PCDHGA5: variants seen among roughly 807,000 people sequenced by gnomAD.
PCDHGA5 encodes protocadherin gamma-A5.
Under a neutral mutation model 56.7 loss-of-function variants are expected in PCDHGA5, and 36 were observed. That is an observed-to-expected ratio of 0.64 (90% CI 0.49 to 0.84). PCDHGA5 has a LOEUF of 0.84. PCDHGA5 is among the 40% of genes least tolerant of loss of function. The probability of loss-of-function intolerance (pLI) is 0.00; values close to 1 mark genes in which losing one functional copy is unlikely to be tolerated. For missense variants in PCDHGA5, 1,305 were observed against 1,201.5 expected (o/e 1.09, Z -1.27); for synonymous variants, 563 against 520.2 (o/e 1.08, Z -1.12).
intron 2 of PCDHGA5, 117 bp downstream of exon 2, chr5:141,494,982 G>C: frequency 6.4e-7 from 1 of 1,563,940 alleles, no homozygotes; most frequent in Non-Finnish European, 8.7e-7. Context: ...CTCAGTTTGA[G>C]ATCCCAGGGA....
At chr5:141,475,829 G>A (rs1408248560) in intron 1 of PCDHGA5, 5 of 386,748 alleles carry the variant, frequency 1.3e-5, no homozygotes, top group Non-Finnish European at 2.3e-5. Flanking sequence ...GCGCTAGCGC[G>A]TGTCCTGCTC....
chr5:141,477,158 A>G lies in PCDHGA5; in HGVS notation c.2422-17649A>G, dbSNP rs1476516538. 1.2e-6 allele frequency: 2 copies of G among 1,614,154 alleles called. No individual in the cohort carries two copies. Among genetic ancestry groups the G allele is most frequent in the Non-Finnish European group, 1.7e-6 (2 of 1,180,018 alleles). ...GGTGGAGGTTGTGGATGTGAATGACAACGCCCCGGAGATCACAGTCACCTC... is the reference window on the plus strand; with the variant it reads ...GGTGGAGGTTGTGGATGTGAATGACGACGCCCCGGAGATCACAGTCACCTC... On this transcript the variant is annotated intron_variant, in intron 1 of 3. Coordinates refer to ENST00000518069, the MANE Select transcript of PCDHGA5 (RefSeq NM_018918.3). This position sits in a 1 kb window ranked among gnomAD's most constrained non-coding sequence, Gnocchi z 4.9.
intron 1 of PCDHGA5, chr5:141,420,307 A>G (rs2096487660): frequency 1.5e-5 from 22 of 1,459,622 alleles, no homozygotes; most frequent in Non-Finnish European, 1.8e-5. Flanking sequence ...AATCCTTTTT[A>G]TATTACAATA....
At chr5:141,424,712 G>A (rs2096836283) in intron 1 of PCDHGA5, 1 of 152,126 alleles carries the variant, frequency 6.6e-6, no homozygotes, top group Non-Finnish European at 1.5e-5. Context: ...CATTTTCAGT[G>A]TAGTTGGGAG....
chr5:141,423,058 A>T (rs1235938743), intron 1 of PCDHGA5: 1 of 1,614,022 alleles, frequency 6.2e-7, no homozygotes, highest in Non-Finnish European at 8.5e-7. Context: ...TCGCCTGCTT[A>T]AGGCCAGCGA....
chr5:141,419,923 G>A, intron 1 of PCDHGA5: 4 of 1,614,088 alleles, frequency 2.5e-6, no homozygotes, highest in Non-Finnish European at 3.4e-6. Flanking sequence ...AGGCTGAGAT[G>A]CAGTTTTACC....
intron 2 of PCDHGA5, among the ~76,000 whole-genome samples, chr5:141,499,675 T>A (rs1426498530): frequency 2.0e-5 from 3 of 150,746 alleles, no homozygotes; most frequent in African/African-American, 7.3e-5. Flanking sequence ...GTCTCCACCA[T>A]CTTTAACAGA....
chr5:141,366,178 C>A lies in PCDHGA5; in HGVS notation c.1848C>A (p.Leu616=), dbSNP rs778986920. ...YRLLKASEPG[L]FAVGLHTGEV... The stretch of plus-strand genomic sequence containing the variant: ...TGCTTAAGGCCAGCGAGCCAGGACT[C>A]TTTGCGGTTGGGCTGCACACGGGCG... Residue 616 remains leucine (L), a synonymous_variant, in exon 1 of 4, where the codon CTC becomes CTA. Coordinates refer to ENST00000518069, the MANE Select transcript of PCDHGA5 (RefSeq NM_018918.3). The A allele has an allele frequency of 3.1e-6, 5 of 1,613,926 alleles. No individual in the cohort carries two copies. In the Admixed American group the frequency reaches 8.3e-5, roughly 27 times the overall value.
chr5:141,388,936 C>A, intron 1 of PCDHGA5: 4 of 1,613,926 alleles, frequency 2.5e-6, no homozygotes, highest in Non-Finnish European at 3.4e-6. Context: ...CAGTCTCTAC[C>A]CAACCTAATT....
At chr5:141,428,185 G>T (rs775261215) in intron 1 of PCDHGA5, 286 of 1,446,232 alleles carry the variant, frequency 2.0e-4, no homozygotes, top group Non-Finnish European at 2.5e-4. Context: ...GAGGACAGCC[G>T]CCGCTCTCTG....
rs774071540 is a variant in PCDHGA5, at chr5:141,511,042, G to A, written c.2665G>A (p.Asp889Asn). 8 of 1,614,064 alleles carry A rather than the reference G, an allele frequency of 5.0e-6. No homozygotes were observed. Among genetic ancestry groups the A allele is most frequent in the Non-Finnish European group, 6.8e-6 (8 of 1,180,016 alleles). Residue 889 changes from aspartate to asparagine, a missense_variant, in exon 4 of 4, where the codon GAC becomes AAC. Physicochemically the swap from Asp to Asn is conservative, Grantham distance 23. Coordinates refer to ENST00000518069, the MANE Select transcript of PCDHGA5 (RefSeq NM_018918.3). Reference sequence around the variant, plus strand: ...CCAGTTCACCCTGCAGCACGTGCCCGACTACCGCCAGAATGTCTACATCCC... The same window carrying A: ...CCAGTTCACCCTGCAGCACGTGCCCAACTACCGCCAGAATGTCTACATCCC... ...GPQFTLQHVPDYRQNVYIPGS... is the reference protein window; with the variant it reads ...GPQFTLQHVPNYRQNVYIPGS...
In PCDHGA5 at chr5:141,388,210, T is replaced by C. The variant is rs1589055013; in HGVS notation, c.2421+21459T>C. ...GCTTGTGCTCTGGAATTTGAGGCTG[T>C]TGCTGAAAATCCACTGAACTTTTAT... On this transcript the variant is annotated intron_variant, in intron 1 of 3. Transcript: ENST00000518069. 1.9e-6 allele frequency: 3 copies of C among 1,587,862 alleles called. No homozygotes were observed. Among genetic ancestry groups the C allele is most frequent in the Non-Finnish European group, 2.6e-6 (3 of 1,159,126 alleles).
Position 141,487,503 on chromosome 5 carries a change from C to T in PCDHGA5, c.2422-7304C>T. On this transcript the variant is annotated intron_variant, in intron 1 of 3. Transcript: ENST00000518069. The surrounding 1 kb of genome is among the most constrained non-coding windows in gnomAD (Gnocchi z 5.0). The stretch of plus-strand genomic sequence containing the variant: ...TCTCATGGCTGTACACCCTTGGCTT[C>T]TGCACCCACTCGGAGTGATAGCTTC... 1 of 1,614,220 alleles carries T rather than the reference C, an allele frequency of 6.2e-7. No homozygotes were observed. Among genetic ancestry groups the T allele is most frequent in the Non-Finnish European group, 8.5e-7 (1 of 1,180,042 alleles).
chr5:141,480,074 A>G (rs976924380), intron 1 of PCDHGA5, among the ~76,000 whole-genome samples: 5 of 152,196 alleles, frequency 3.3e-5, no homozygotes, highest in Non-Finnish European at 7.3e-5. Flanking sequence ...TATAAGATTC[A>G]TGCATGATAT....
At chr5:141,433,605 G>C (rs1411907056) in intron 1 of PCDHGA5, among the ~76,000 whole-genome samples, 1 of 152,114 alleles carries the variant, frequency 6.6e-6, no homozygotes. Context: ...GGAGGCCGAG[G>C]CGGGTGGATC....
At chr5:141,384,755 T>C (rs1780456507) in intron 1 of PCDHGA5, 1 of 1,613,938 alleles carries the variant, frequency 6.2e-7, no homozygotes, top group South Asian at 1.1e-5. Flanking sequence ...CTCTTTGCGG[T>C]TGGGCTGTAC....
chr5:141,455,753 G>T (rs2098830630), intron 1 of PCDHGA5, among the ~76,000 whole-genome samples: 1 of 152,074 alleles, frequency 6.6e-6, no homozygotes, highest in Non-Finnish European at 1.5e-5. Flanking sequence ...TGCTGGCCTG[G>T]CTCCTAGAGC....
chr5:141,425,844 G>C (rs985746948), intron 1 of PCDHGA5, among the ~76,000 whole-genome samples: 1 of 152,104 alleles, frequency 6.6e-6, no homozygotes, highest in Admixed American at 6.6e-5. Flanking sequence ...CTCTTTGCTG[G>C]GTTAATGACT....
chr5:141,376,508 G>A (rs1267982619), intron 1 of PCDHGA5: 1 of 1,614,020 alleles, frequency 6.2e-7, no homozygotes, highest in South Asian at 1.1e-5. Context: ...GCAACTTCAG[G>A]TGAGTTTCTT....
Sources: allele counts gnomAD v4.1 joint callset (sites outside exome capture counted in the v4.1 genomes callset), GRCh38; gene constraint gnomAD v4.1.1; non-coding constraint Gnocchi (gnomAD v3.1); transcripts MANE v1.5; gene names NCBI Gene and HGNC (gene_info 2026-07-23, HGNC 2026-07-21).